TBC1D2B: variants seen among roughly 807,000 people sequenced by gnomAD.
TBC1D2B encodes the protein TBC1 domain family member 2B.
A neutral mutation model predicts 100.8 loss-of-function variants in TBC1D2B; 64 were observed. The observed-to-expected ratio is 0.64, with a 90% CI of 0.52 to 0.78. TBC1D2B has a LOEUF of 0.78. TBC1D2B is among the 30% of genes least tolerant of loss of function. TBC1D2B has a pLI of 0.00. For missense variants in TBC1D2B, 1,052 were observed against 1,218.4 expected (o/e 0.86, Z 2.03); for synonymous variants, 480 against 479.7 (o/e 1.00, Z -0.01).
chr15:78,030,734 A>G (rs1425828833), intron 3 of TBC1D2B, among the ~76,000 whole-genome samples: 2 of 152,248 alleles, frequency 1.3e-5, no homozygotes, highest in Non-Finnish European at 2.9e-5. Flanking sequence ...ATTTGCTAAA[A>G]GAAATTCTTA....
intron 12 of TBC1D2B, among the ~76,000 whole-genome samples, chr15:78,000,460 C>G (rs2071882927): frequency 6.6e-6 from 1 of 152,262 alleles, no homozygotes; most frequent in African/African-American, 2.4e-5. Context: ...ACGAGATGAA[C>G]AGAAACCCTC....
intron 2 of TBC1D2B, among the ~76,000 whole-genome samples, chr15:78,048,506 T>C (rs2073246246): frequency 2.0e-5 from 3 of 152,216 alleles, no homozygotes; most frequent in Admixed American, 2.0e-4. Flanking sequence ...ACAGCTTCAG[T>C]GGGGAAAGAA....
At chr15:78,061,993 T>G in intron 1 of TBC1D2B, among the ~76,000 whole-genome samples, 1 of 151,918 alleles carries the variant, frequency 6.6e-6, no homozygotes, top group Non-Finnish European at 1.5e-5. Context: ...ATGCAGAAAA[T>G]GAATGCCATG....
Position 78,030,129 on chromosome 15 carries a change from T to C in TBC1D2B, c.725A>G (p.Asp242Gly), listed in dbSNP as rs780997696. ...GGTATAAAACACAGTCCTCCGACTA[T>C]CATTATGTCCTCTCCCAGGACGGAA... is the stretch of plus-strand genomic sequence containing the variant. ...SSFRPGRGHN[D>G]SRRTVFYTNE... Residue 242 changes from aspartate (D) to glycine (G), a missense_variant, in exon 4 of 13, where the codon GAT becomes GGT. By Grantham distance (94) the Asp-to-Gly change is moderately conservative. Around this residue, in one of 4 missense-constraint regions of TBC1D2B, gnomAD observed 627 missense variants for 646.1 expected, o/e 0.97. Coordinates refer to ENST00000300584, the MANE Select transcript of TBC1D2B (RefSeq NM_144572.2). 2 of 1,613,666 alleles carry C rather than the reference T, an allele frequency of 1.2e-6. No homozygotes were observed. The highest frequency in any genetic ancestry group is 1.7e-5 in the Admixed American group (1 of 59,968).
intron 3 of TBC1D2B, among the ~76,000 whole-genome samples, chr15:78,036,590 C>T (rs139489955): frequency 6.6e-6 from 1 of 152,308 alleles, no homozygotes; most frequent in African/African-American, 2.4e-5. Context: ...CCAGCAGCCA[C>T]CAGAAGCTGA....
intron 3 of TBC1D2B, among the ~76,000 whole-genome samples, chr15:78,043,648 C>G (rs1315420088): frequency 6.6e-6 from 1 of 152,146 alleles, no homozygotes; most frequent in African/African-American, 2.4e-5. Flanking sequence ...GTTGCTACAG[C>G]ATGGATGAAT....
chr15:78,040,194 C>T (rs958892890), intron 3 of TBC1D2B, among the ~76,000 whole-genome samples: 6 of 152,264 alleles, frequency 3.9e-5, no homozygotes, highest in Non-Finnish European at 8.8e-5. Flanking sequence ...CACACATGGA[C>T]TGGCCAGAAT....
Position 77,997,850 on chromosome 15 carries a change from C to T in TBC1D2B, c.*310G>A, listed in dbSNP as rs2071803411. The T allele has an allele frequency of 3.2e-5, 8 of 248,634 alleles. No homozygotes were observed. In the South Asian group the frequency reaches 7.2e-4, roughly 22 times the overall value. The allele number at this position is 248,634 out of a possible 1,614,324, so 15.4% of individuals were successfully genotyped here. On this transcript the variant is annotated 3_prime_UTR_variant, in exon 13 of 13. Coordinates refer to ENST00000300584, the MANE Select transcript of TBC1D2B (RefSeq NM_144572.2). ...AGGTTTCAGAGGGTCAGAGCACCGA[C>T]AGGCTGACGGAGGCTGGAAACAGGC...
chr15:78,015,208 C>T (rs1414410214), intron 8 of TBC1D2B, among the ~76,000 whole-genome samples: 1 of 151,770 alleles, frequency 6.6e-6, no homozygotes, highest in African/African-American at 2.4e-5. Context: ...CTCAAAAAAA[C>T]AAAATAAAAC....
intron 1 of TBC1D2B, among the ~76,000 whole-genome samples, chr15:78,059,890 A>G (rs1012684105): frequency 3.3e-5 from 5 of 152,188 alleles, no homozygotes; most frequent in Non-Finnish European, 5.9e-5. Flanking sequence ...GAAGTACATG[A>G]TTGTGAGGAC....
chr15:78,062,003 GTGCACCATGA>G (rs1389680036), intron 1 of TBC1D2B, among the ~76,000 whole-genome samples: 5 of 152,164 alleles, frequency 3.3e-5, no homozygotes, highest in Non-Finnish European at 7.3e-5. Flanking sequence ...TGAATGCCAT[GTGCACCATGA>G]TGCACTAGAC....
At chr15:78,067,068 G>GT in intron 1 of TBC1D2B, among the ~76,000 whole-genome samples, 1 of 152,316 alleles carries the variant, frequency 6.6e-6, no homozygotes, top group South Asian at 2.1e-4. Flanking sequence ...TCTACTAATG[G>GT]ATTACGACAG....
rs772558929 is a variant in TBC1D2B, at chr15:78,013,107, G to A, written c.1986C>T (p.Gly662=). ...CCTTGGAACGGTGCTCGTGGGGAAT[G>A]CCCGCACGGATGAGGTTTTTTAACT... ...SPELKNLIRA[G]IPHEHRSKVW... is the part of the protein sequence containing the mutation. The change falls in exon 9 of 13, where the codon GGC becomes GGT. Residue 662 remains glycine, a synonymous_variant. Coordinates refer to ENST00000300584, the MANE Select transcript of TBC1D2B (RefSeq NM_144572.2). The A allele has an allele frequency of 5.0e-6, 8 of 1,613,998 alleles. No homozygotes were observed. Among genetic ancestry groups the A allele is most frequent in the Non-Finnish European group, 6.8e-6 (8 of 1,179,896 alleles).
At chr15:78,023,650 T>G (rs768477096) in intron 6 of TBC1D2B, among the ~76,000 whole-genome samples, 4 of 152,182 alleles carry the variant, frequency 2.6e-5, no homozygotes, top group Non-Finnish European at 4.4e-5. Flanking sequence ...CCTCCCATCT[T>G]GGGTGCTGGG....
At chr15:78,075,260 G>C (rs554224625) in intron 1 of TBC1D2B, among the ~76,000 whole-genome samples, 4 of 151,756 alleles carry the variant, frequency 2.6e-5, no homozygotes, top group East Asian at 3.9e-4. Context: ...GTGCAGTGGC[G>C]CGATCTCTGC....
chr15:78,042,142 A>G (rs1235325088), intron 3 of TBC1D2B, among the ~76,000 whole-genome samples: 1 of 152,218 alleles, frequency 6.6e-6, no homozygotes, highest in East Asian at 1.9e-4. Flanking sequence ...CAGCTGTGAC[A>G]GGCAGAAGTG....
At chr15:78,043,238 G>A (rs2073125603) in intron 3 of TBC1D2B, among the ~76,000 whole-genome samples, 2 of 152,180 alleles carry the variant, frequency 1.3e-5, no homozygotes, top group Admixed American at 1.3e-4. Flanking sequence ...TCCTTGGATG[G>A]TAGCTTCTAA....
At chr15:78,028,076 C>T (rs2072717610) in intron 4 of TBC1D2B, among the ~76,000 whole-genome samples, 1 of 152,208 alleles carries the variant, frequency 6.6e-6, no homozygotes, top group Admixed American at 6.5e-5. Flanking sequence ...ATCCTGCACC[C>T]TATTCCTGCT....
At position 78,040,557 on chromosome 15, in the gene TBC1D2B, G is replaced by GA. The variant is rs1273939409; in HGVS notation, c.683+4342dup. ...AAGTAGAGACCCTGTCTCAAAAAATGAAAAAAGAAAAGAAAGGAAAGGAAA... is the reference window on the plus strand; with the variant it reads ...AAGTAGAGACCCTGTCTCAAAAAATGAAAAAAAGAAAAGAAAGGAAAGGAAA... On this transcript the variant is annotated intron_variant, in intron 3 of 12. Coordinates refer to ENST00000300584, the MANE Select transcript of TBC1D2B (RefSeq NM_144572.2). Among the ~76,000 whole-genome samples, 3 of 128,004 alleles carry GA rather than the reference G, an allele frequency of 2.3e-5. No individual in the cohort carries two copies. In the Admixed American group the frequency reaches 2.5e-4, roughly 11 times the overall value. The allele number at this position is 128,004 out of a possible 152,430, so 84.0% of individuals were successfully genotyped here. A position where few individuals can be genotyped will look rare whatever the true frequency, so the allele number is the denominator to read the frequency against.
Sources: gnomAD v4.1 joint callset for allele counts (sites outside exome capture counted in the v4.1 genomes callset) on GRCh38, gnomAD v4.1.1 for gene constraint, gnomAD v4.1.1 regional missense constraint, MANE v1.5 for transcripts, NCBI Gene and HGNC (gene_info 2026-07-23, HGNC 2026-07-21) for gene names.